Variants in NLK observed in about 807,000 individuals in gnomAD.
The protein encoded by NLK is serine/threonine-protein kinase NLK.
NLK carries 11 observed loss-of-function variants against 59.0 expected under a neutral mutation model. The observed-to-expected ratio is 0.19, with a 90% CI of 0.12 to 0.31. NLK has a LOEUF of 0.31. Among genes scored for constraint, NLK ranks in the 10% least tolerant of loss-of-function variants. NLK has a pLI of 1.00. For missense variants in NLK, 410 were observed against 661.1 expected, an observed-to-expected ratio of 0.62 and a Z score of 4.16; for synonymous variants, 235 against 235.9, an observed-to-expected ratio of 1.00 and a Z score of 0.03.
chr17:28,202,786 G>A, the NLK span, among the ~76,000 whole-genome samples: 2 of 150,646 alleles, frequency 1.3e-5, no homozygotes, highest in Non-Finnish European at 2.9e-5. Context: ...AGGTTCAAGC[G>A]ATTTTCCTGC....
At chr17:28,083,420 T>A (rs1204614330) in intron 1 of NLK, among the ~76,000 whole-genome samples, 3 of 152,186 alleles carry the variant, frequency 2.0e-5, no homozygotes, top group African/African-American at 7.2e-5. Flanking sequence ...TGCTGTTATA[T>A]CACATTCAGA....
chr17:28,111,886 GT>G (rs1420336345), intron 1 of NLK, among the ~76,000 whole-genome samples: 16 of 127,636 alleles, frequency 1.3e-4, no homozygotes, highest in African/African-American at 3.6e-4. Flanking sequence ...GTGTGTGTGT[GT>G]GTGTGTGTGG....
Position 28,178,620 on chromosome 17 carries a change from C to G in NLK, c.1149+6002C>G, listed in dbSNP as rs143194563. On this transcript the variant is annotated intron_variant, in intron 7 of 10. Coordinates refer to ENST00000407008, the MANE Select transcript of NLK (RefSeq NM_016231.5). ...TCAGTTTTCCTCAGTTTGTTCCCACCTAATTGTGTCAGAAATAGATAACAA... is the reference window on the plus strand; with the variant it reads ...TCAGTTTTCCTCAGTTTGTTCCCACGTAATTGTGTCAGAAATAGATAACAA... 5.7e-3 allele frequency among the ~76,000 whole-genome samples: 862 copies of G among 152,246 alleles called. 10 individuals carry two copies. Among genetic ancestry groups the G allele is most frequent in the African/African-American group, 0.02 (821 of 41,528 alleles).
intron 1 of NLK, among the ~76,000 whole-genome samples, chr17:28,090,226 A>G (rs1292574450): frequency 6.6e-6 from 1 of 152,198 alleles, no homozygotes; most frequent in African/African-American, 2.4e-5. Flanking sequence ...ATAGTAGTCT[A>G]TATCCATTTC....
chr17:28,109,545 G>A (rs1192665932), intron 1 of NLK, among the ~76,000 whole-genome samples: 2 of 152,082 alleles, frequency 1.3e-5, no homozygotes, highest in Admixed American at 1.3e-4. Context: ...CCAACCCCAG[G>A]CAATCACTGA....
At chr17:28,087,033 C>A in intron 1 of NLK, among the ~76,000 whole-genome samples, 1 of 151,254 alleles carries the variant, frequency 6.6e-6, no homozygotes, top group Non-Finnish European at 1.5e-5. Flanking sequence ...GGGTGACACC[C>A]CATGACCTTG....
At chr17:28,104,273 T>C (rs1189951244) in intron 1 of NLK, among the ~76,000 whole-genome samples, 2 of 152,198 alleles carry the variant, frequency 1.3e-5, no homozygotes, top group East Asian at 1.9e-4. Context: ...TTTTGTTTTT[T>C]TGAGACCGAG....
downstream of NLK, among the ~76,000 whole-genome samples, chr17:28,200,466 C>CT (rs768084836): frequency 4.1e-4 from 63 of 152,204 alleles, no homozygotes; most frequent in Non-Finnish European, 7.8e-4. Context: ...GTCAATTTTA[C>CT]TTTATGTTAC....
chr17:28,127,450 GCTAA>G (rs1906337119), intron 2 of NLK, among the ~76,000 whole-genome samples: 1 of 152,172 alleles, frequency 6.6e-6, no homozygotes, highest in South Asian at 2.1e-4. Context: ...AATACTAAGT[GCTAA>G]CTAATACTAA....
At chr17:28,122,575 T>C (rs747988438) in intron 1 of NLK, 28 bp from the exon 2 acceptor site, 7 of 1,611,632 alleles carry the variant, frequency 4.3e-6, no homozygotes, top group South Asian at 3.3e-5. Flanking sequence ...GTCTTTTTTT[T>C]CCCCTTCCCC....
the NLK span, among the ~76,000 whole-genome samples, chr17:28,202,000 A>G: frequency 1.3e-5 from 2 of 152,136 alleles, no homozygotes; most frequent in African/African-American, 4.8e-5. Flanking sequence ...TCGGTGACAG[A>G]GCGAGACTCT....
rs74267060 is a variant in NLK, at chr17:28,067,534, T to TAA, written c.458+24215_458+24216dup. 8.6e-3 allele frequency among the ~76,000 whole-genome samples: 1,136 copies of TAA among 132,714 alleles called. 11 individuals carry two copies. Among genetic ancestry groups the TAA allele is most frequent in the African/African-American group, 0.03 (1,071 of 35,972 alleles). The allele number at this position is 132,714 out of a possible 152,430, so 87.1% of individuals were successfully genotyped here. On this transcript the variant is annotated intron_variant, in intron 1 of 10. Coordinates refer to ENST00000407008, the MANE Select transcript of NLK (RefSeq NM_016231.5). ...TAAATACATGGCACAGAGAATTGTT[T>TAA]AAAAAAAAAAAAAGGCTGACAATTA...
intron 3 of NLK, among the ~76,000 whole-genome samples, chr17:28,155,808 A>G (rs945381607): frequency 3.3e-5 from 5 of 152,142 alleles, no homozygotes; most frequent in Non-Finnish European, 7.3e-5. Context: ...GTGGGATAGC[A>G]TTAGAAGAAA....
chr17:28,163,352 T>C (rs2142049697), intron 4 of NLK, among the ~76,000 whole-genome samples, 191 bp from the exon 5 acceptor site: 2 of 152,346 alleles, frequency 1.3e-5, no homozygotes, highest in South Asian at 4.1e-4. Context: ...TGCAAACCTT[T>C]GGTGACATTT....
chr17:28,060,165 T>C (rs1909583184), intron 1 of NLK, among the ~76,000 whole-genome samples: 1 of 152,172 alleles, frequency 6.6e-6, no homozygotes. Flanking sequence ...ATTCATTATA[T>C]ACAAAAATGA....
rs375091903 is a variant in NLK at position 28,043,044 on chromosome 17, G to A, written c.171G>A (p.Ser57=). 1 of 1,558,284 alleles carries A rather than the reference G, an allele frequency of 6.4e-7. No homozygotes were observed. Among genetic ancestry groups the A allele is most frequent in the African/African-American group, 1.4e-5 (1 of 73,324 alleles). Residue 57 remains serine, a synonymous_variant, in exon 1 of 11, where the codon TCG becomes TCA. Transcript: ENST00000407008. ...HHPQHHLHPG[S]AAAVHPVQQH... ...CTCAACACCATCTTCATCCGGGGTC[G>A]GCTGCCGCTGTACACCCTGTACAGC...
intron 1 of NLK, among the ~76,000 whole-genome samples, chr17:28,092,332 A>G (rs927704129): frequency 1.3e-5 from 2 of 152,168 alleles, no homozygotes; most frequent in African/African-American, 4.8e-5. Context: ...TTCCAAAAAG[A>G]ATTTACATTG....
At chr17:28,121,495 CTTTTT>C (rs58647578) in intron 1 of NLK, among the ~76,000 whole-genome samples, 51 of 72,298 alleles carry the variant, frequency 7.1e-4, no homozygotes, top group African/African-American at 2.4e-3. Context: ...TCTTTCTTTT[CTTTTT>C]TTTTTTTTTT....
chr17:28,077,754 T>G (rs1330434028), intron 1 of NLK, among the ~76,000 whole-genome samples: 1 of 152,242 alleles, frequency 6.6e-6, no homozygotes, highest in African/African-American at 2.4e-5. Context: ...AAACTTTAGC[T>G]TCTTTTGCCA....
Sources: allele counts gnomAD v4.1 joint callset (sites outside exome capture counted in the v4.1 genomes callset), GRCh38; gene constraint gnomAD v4.1.1; transcripts MANE v1.5; gene names NCBI Gene and HGNC (gene_info 2026-07-23, HGNC 2026-07-21).